GOLGA5: variants seen among roughly 807,000 people sequenced by gnomAD.
GOLGA5 encodes the protein golgin A5, also known as golgin subfamily A member 5.
GOLGA5 carries 50 observed loss-of-function variants against 93.5 expected under a neutral mutation model. The ratio of observed to expected loss-of-function variants is 0.53; its 90% confidence interval spans 0.43 to 0.68. GOLGA5 has a LOEUF of 0.68. Ranked by LOEUF, GOLGA5 falls within the 30% of genes least tolerant of loss-of-function variation. The pLI, the probability that GOLGA5 is intolerant of heterozygous loss-of-function variation, is 0.00. For missense variants in GOLGA5, 760 were observed against 856.4 expected (o/e 0.89, Z 1.40); for synonymous variants, 312 against 304.5 (o/e 1.02, Z -0.26).
rs952237045 is a variant in GOLGA5 at position 92,798,103 on chromosome 14, C to A, written c.544+122C>A. The A allele has an allele frequency of 2.6e-5, 18 of 693,904 alleles. No homozygotes were observed. In the African/African-American group the frequency reaches 3.0e-4, roughly 12 times the overall value. The allele number at this position is 693,904 out of a possible 1,614,324, so 43.0% of individuals were successfully genotyped here. On this transcript the variant is annotated intron_variant, in intron 2 of 12. Transcript: ENST00000163416. ...GTCTCCACTGGTGTAAGGGCAGACTCTCTGCAAATGTGTGGTGTAAACAAG... is the reference window on the plus strand; with the variant it reads ...GTCTCCACTGGTGTAAGGGCAGACTATCTGCAAATGTGTGGTGTAAACAAG...
At chr14:92,807,135 A>G (rs1159972689) in intron 3 of GOLGA5, among the ~76,000 whole-genome samples, 172 bp downstream of exon 3, 2 of 152,128 alleles carry the variant, frequency 1.3e-5, no homozygotes, top group Non-Finnish European at 2.9e-5. Flanking sequence ...CCCTGTGTCT[A>G]CTAAAAATAC....
chr14:92,831,606 T>C (rs967644781), intron 9 of GOLGA5, among the ~76,000 whole-genome samples: 2 of 152,212 alleles, frequency 1.3e-5, no homozygotes, highest in Admixed American at 1.3e-4. Flanking sequence ...AGTTCGTTTT[T>C]TGCTTAATAC....
chr14:92,798,007 T>G, intron 2 of GOLGA5, 26 bp downstream of exon 2: 1 of 1,449,472 alleles, frequency 6.9e-7, no homozygotes, highest in African/African-American at 1.4e-5. Context: ...TCTTATTTCT[T>G]TTAGAGTTAA....
intron 2 of GOLGA5, among the ~76,000 whole-genome samples, chr14:92,804,084 C>G (rs1884931226): frequency 6.6e-6 from 1 of 152,152 alleles, no homozygotes; most frequent in South Asian, 2.1e-4. Context: ...GATGGATATA[C>G]AACTCATTAG....
At chr14:92,835,242 G>A (rs569885114) in intron 10 of GOLGA5, among the ~76,000 whole-genome samples, 5 of 152,206 alleles carry the variant, frequency 3.3e-5, no homozygotes, top group African/African-American at 9.6e-5. Context: ...AAGACCACCC[G>A]GCCTCACTCC....
chr14:92,812,708 C>T (rs140631642), intron 6 of GOLGA5, among the ~76,000 whole-genome samples: 487 of 152,300 alleles, frequency 3.2e-3, no homozygotes, highest in Middle Eastern at 0.014. Context: ...CCTCCCACTT[C>T]CTTGGAACTC....
chr14:92,816,402 A>G lies in GOLGA5; in HGVS notation c.1472A>G (p.Gln491Arg), dbSNP rs1364158702. 6.2e-7 allele frequency: 1 copy of G among 1,613,982 alleles called. No individual in the cohort carries two copies. Among genetic ancestry groups the G allele is most frequent in the Non-Finnish European group, 8.5e-7 (1 of 1,179,878 alleles). Reference protein sequence around the residue: ...EIQKLMGQIHQLRSELQDMEA... With the variant: ...EIQKLMGQIHRLRSELQDMEA... Reference sequence around the variant, plus strand: ...CAGAAGCTGATGGGCCAGATACATCAGCTCAGATCCGAATTACAGGTAAGA... The same window carrying G: ...CAGAAGCTGATGGGCCAGATACATCGGCTCAGATCCGAATTACAGGTAAGA... Residue 491 changes from glutamine to arginine, a missense_variant, in exon 7 of 13, where the codon CAG becomes CGG. Coordinates refer to ENST00000163416, the MANE Select transcript of GOLGA5 (RefSeq NM_005113.4).
At chr14:92,801,851 T>G (rs1351873070) in intron 2 of GOLGA5, among the ~76,000 whole-genome samples, 3 of 152,166 alleles carry the variant, frequency 2.0e-5, no homozygotes, top group Admixed American at 1.3e-4. Context: ...TATTCATTAG[T>G]GTGTTTCTGG....
chr14:92,797,659 A>G lies in GOLGA5; in HGVS notation c.222A>G (p.Lys74=). The change falls in exon 2 of 13, where the codon AAA becomes AAG. Residue 74 remains lysine (K), a synonymous_variant. Coordinates refer to ENST00000163416, the MANE Select transcript of GOLGA5 (RefSeq NM_005113.4). ...SSAADNIRNQ[K]ATILAGTANV... ...CAGCTGATAACATTCGAAATCAAAA[A>G]GCCACCATCTTAGCTGGCACTGCAA... The G allele has an allele frequency of 6.2e-7, 1 of 1,613,858 alleles. No individual in the cohort carries two copies. The highest frequency in any genetic ancestry group is 8.5e-7 in the Non-Finnish European group (1 of 1,179,720).
intron 7 of GOLGA5, among the ~76,000 whole-genome samples, chr14:92,816,705 G>A (rs979510041): frequency 1.3e-5 from 2 of 152,118 alleles, no homozygotes; most frequent in African/African-American, 4.8e-5. Flanking sequence ...GGAACTACAG[G>A]CACATGCCAT....
At chr14:92,796,640 G>C (rs1884733398) in intron 1 of GOLGA5, among the ~76,000 whole-genome samples, 2 of 152,042 alleles carry the variant, frequency 1.3e-5, no homozygotes, top group African/African-American at 4.8e-5. Context: ...AATTTGGAGG[G>C]ATGCAGTTCA....
At chr14:92,825,901 T>C (rs951460463) in intron 9 of GOLGA5, among the ~76,000 whole-genome samples, 1 of 149,084 alleles carries the variant, frequency 6.7e-6, no homozygotes, top group African/African-American at 2.5e-5. Context: ...ATGCCTATAG[T>C]CCTAACTACT....
At chr14:92,831,330 C>G (rs112893565) in intron 9 of GOLGA5, among the ~76,000 whole-genome samples, 144 of 152,246 alleles carry the variant, frequency 9.5e-4, no homozygotes, top group African/African-American at 3.4e-3. Flanking sequence ...TCATAAATAG[C>G]CCAAATTGGA....
chr14:92,819,139 C>G lies in GOLGA5; in HGVS notation c.1492-569C>G, dbSNP rs1312181819. Among the ~76,000 whole-genome samples, 4 of 152,106 alleles carry G rather than the reference C, an allele frequency of 2.6e-5. No homozygotes were observed. The East Asian group carries it at 5.8e-4, about 22-fold the overall frequency. On this transcript the variant is annotated intron_variant, in intron 7 of 12. Transcript: ENST00000163416. ...TTCTGATTTTTTTTGAAACTGTTAG[C>G]TTTTGAGTAAAGATATAAGTCTCCC...
At chr14:92,828,298 A>C (rs1216995781) in intron 9 of GOLGA5, among the ~76,000 whole-genome samples, 3 of 152,166 alleles carry the variant, frequency 2.0e-5, no homozygotes, top group Non-Finnish European at 2.9e-5. Context: ...GTGCTCATTT[A>C]CAATTGTGGA....
At chr14:92,837,575 T>G in intron 12 of GOLGA5, 126 bp downstream of exon 12, 1 of 634,034 alleles carries the variant, frequency 1.6e-6, no homozygotes. Context: ...TTTTTTTTGT[T>G]TTTTTTGAAA....
At chr14:92,802,876 C>CA (rs1407338873) in intron 2 of GOLGA5, among the ~76,000 whole-genome samples, 1 of 151,982 alleles carries the variant, frequency 6.6e-6, no homozygotes, top group Non-Finnish European at 1.5e-5. Flanking sequence ...GTAATCCTCC[C>CA]ACTTCCTCCT....
chr14:92,818,896 A>C (rs1346186615), intron 7 of GOLGA5, among the ~76,000 whole-genome samples: 1 of 152,224 alleles, frequency 6.6e-6, no homozygotes, highest in Non-Finnish European at 1.5e-5. Flanking sequence ...GTGAGTTCAA[A>C]GAAATGAGAG....
intron 2 of GOLGA5, among the ~76,000 whole-genome samples, chr14:92,800,975 A>C (rs1884858645): frequency 6.6e-6 from 1 of 152,180 alleles, no homozygotes; most frequent in South Asian, 2.1e-4. Context: ...TTTTGGGCCA[A>C]ATTAATTCAA....
Sources: allele counts gnomAD v4.1 joint callset (sites outside exome capture counted in the v4.1 genomes callset), GRCh38; gene constraint gnomAD v4.1.1; transcripts MANE v1.5; gene names NCBI Gene and HGNC (gene_info 2026-07-23, HGNC 2026-07-21).